FBXL17: variants seen among roughly 807,000 people sequenced by gnomAD.
The protein encoded by FBXL17 is F-box/LRR-repeat protein 17.
Under a neutral mutation model 66.2 loss-of-function variants are expected in FBXL17, and 22 were observed. That is an observed-to-expected ratio of 0.33 (90% CI 0.24 to 0.47). FBXL17 has a LOEUF of 0.47. Ranked by LOEUF, FBXL17 falls within the 20% of genes least tolerant of loss-of-function variation. The probability of loss-of-function intolerance (pLI) is 1.00; values close to 1 mark genes in which losing one functional copy is unlikely to be tolerated. For missense variants in FBXL17, 878 were observed against 948.2 expected, an observed-to-expected ratio of 0.93 and a Z score of 0.97; for synonymous variants, 474 against 400.5, an observed-to-expected ratio of 1.18 and a Z score of -2.19.
At chr5:108,128,289 G>A (rs1183106049) in intron 6 of FBXL17, among the ~76,000 whole-genome samples, 1 of 150,998 alleles carries the variant, frequency 6.6e-6, no homozygotes, top group Non-Finnish European at 1.5e-5. Flanking sequence ...GAATTTATCA[G>A]AAAATGTAAC....
At chr5:108,195,387 G>A (rs922966903) in intron 5 of FBXL17, among the ~76,000 whole-genome samples, 7 of 152,144 alleles carry the variant, frequency 4.6e-5, no homozygotes, top group East Asian at 3.9e-4. Flanking sequence ...AGTTAGGACA[G>A]TGCAAAGGCC....
At chr5:108,081,897 AG>A (rs1435659389) in intron 6 of FBXL17, among the ~76,000 whole-genome samples, 3 of 152,106 alleles carry the variant, frequency 2.0e-5, no homozygotes, top group Non-Finnish European at 4.4e-5. Context: ...GTAAATTTCT[AG>A]ACTGCTGACT....
chr5:108,179,390 C>T (rs1752914214), intron 6 of FBXL17, among the ~76,000 whole-genome samples: 1 of 152,068 alleles, frequency 6.6e-6, no homozygotes, highest in Non-Finnish European at 1.5e-5. Context: ...ATCTGTCACT[C>T]TACAACTTTC....
intron 7 of FBXL17, among the ~76,000 whole-genome samples, chr5:107,916,574 G>T (rs930688177): frequency 6.7e-6 from 1 of 150,300 alleles, no homozygotes; most frequent in Non-Finnish European, 1.5e-5. Flanking sequence ...ACAATAAATA[G>T]ACATTATGTT....
chr5:108,126,654 T>C (rs1453786466), intron 6 of FBXL17, among the ~76,000 whole-genome samples: 1 of 126,848 alleles, frequency 7.9e-6, no homozygotes, highest in Admixed American at 7.9e-5. Flanking sequence ...TCTCTCTCTA[T>C]ATATATATAC....
intron 4 of FBXL17, among the ~76,000 whole-genome samples, chr5:108,292,273 C>T (rs1758144778): frequency 6.6e-6 from 1 of 151,964 alleles, no homozygotes; most frequent in South Asian, 2.1e-4. Context: ...AGGCACACAC[C>T]ACCACGCCCA....
At chr5:107,901,630 T>A (rs7705884) in intron 7 of FBXL17, among the ~76,000 whole-genome samples, 119,026 of 152,102 alleles carry the variant, frequency 0.78, 46,949 homozygotes, top group Middle Eastern at 0.82. Context: ...TTCTCCTCCG[T>A]AAAGACATGC....
intron 6 of FBXL17, among the ~76,000 whole-genome samples, chr5:108,079,153 T>C (rs1421820497): frequency 6.9e-6 from 1 of 144,398 alleles, no homozygotes; most frequent in African/African-American, 2.5e-5. Flanking sequence ...CTAACCTCTC[T>C]TTCTTTTTTT....
intron 8 of FBXL17, among the ~76,000 whole-genome samples, chr5:107,868,615 T>C (rs1208841670): frequency 6.6e-6 from 1 of 152,232 alleles, no homozygotes; most frequent in African/African-American, 2.4e-5. Flanking sequence ...AAGCCAGATA[T>C]GGTCCCTGCC....
intron 7 of FBXL17, among the ~76,000 whole-genome samples, chr5:107,964,737 C>T (rs1421151022): frequency 1.3e-5 from 2 of 152,126 alleles, no homozygotes; most frequent in African/African-American, 4.8e-5. Flanking sequence ...CCCAGGTATA[C>T]AAATCACAAC....
intron 4 of FBXL17, among the ~76,000 whole-genome samples, chr5:108,342,721 T>C (rs747440002): frequency 7.9e-5 from 12 of 152,150 alleles, no homozygotes; most frequent in Non-Finnish European, 1.6e-4. Context: ...ACTGGTAAAA[T>C]TGGATAAAAA....
intron 6 of FBXL17, among the ~76,000 whole-genome samples, chr5:108,049,550 C>T (rs916428353): frequency 6.6e-6 from 1 of 152,098 alleles, no homozygotes; most frequent in Non-Finnish European, 1.5e-5. Context: ...GGGATTTTGT[C>T]ACCACCAGGC....
intron 7 of FBXL17, among the ~76,000 whole-genome samples, chr5:107,931,081 G>C (rs1320334609): frequency 1.3e-5 from 2 of 152,070 alleles, no homozygotes; most frequent in African/African-American, 4.8e-5. Context: ...GAATTGAGCA[G>C]AACAATAAAA....
At chr5:108,353,433 C>G (rs756282477) in intron 3 of FBXL17, among the ~76,000 whole-genome samples, 1 of 152,166 alleles carries the variant, frequency 6.6e-6, no homozygotes, top group Non-Finnish European at 1.5e-5. Context: ...GGTTATAAGA[C>G]AACACTCATG....
chr5:108,363,012 AATC>A (rs1397728511), intron 3 of FBXL17, among the ~76,000 whole-genome samples: 1 of 152,038 alleles, frequency 6.6e-6, no homozygotes, highest in African/African-American at 2.4e-5. Context: ...GTCCCAGGCA[AATC>A]ATCAATTATG....
intron 6 of FBXL17, among the ~76,000 whole-genome samples, chr5:108,068,785 C>G (rs543814350): frequency 1.2e-4 from 19 of 152,138 alleles, no homozygotes; most frequent in Non-Finnish European, 2.6e-4. Context: ...CAGACTTTTT[C>G]TGACAAGTGT....
chr5:108,098,048 A>C (rs959833410), intron 6 of FBXL17, among the ~76,000 whole-genome samples: 3 of 152,144 alleles, frequency 2.0e-5, no homozygotes, highest in Non-Finnish European at 4.4e-5. Context: ...CTCATAGTAC[A>C]CACTTCTTAA....
At chr5:108,006,717 G>C (rs1235868853) in intron 7 of FBXL17, among the ~76,000 whole-genome samples, 1 of 152,216 alleles carries the variant, frequency 6.6e-6, no homozygotes, top group East Asian at 1.9e-4. Context: ...AAGTAGGAAA[G>C]TCAAAACGCA....
intron 7 of FBXL17, among the ~76,000 whole-genome samples, chr5:107,991,130 A>T (rs1184816650): frequency 6.6e-6 from 1 of 152,212 alleles, no homozygotes; most frequent in African/African-American, 2.4e-5. Context: ...GATTATTGTT[A>T]CTGTACCTCC....
Sources: allele counts gnomAD v4.1 joint callset (sites outside exome capture counted in the v4.1 genomes callset), GRCh38; gene constraint gnomAD v4.1.1; transcripts MANE v1.5; gene names NCBI Gene and HGNC (gene_info 2026-07-23, HGNC 2026-07-21).